HECW1: variants seen among roughly 807,000 people sequenced by gnomAD.
HECW1 encodes E3 ubiquitin-protein ligase HECW1.
In HECW1, 61 loss-of-function variants were observed where a neutral mutation model predicts 182.3. That is an observed-to-expected ratio of 0.33 (90% CI 0.27 to 0.41). The LOEUF is 0.41. HECW1 is among the 10% of genes least tolerant of loss of function. The pLI, the probability that HECW1 is intolerant of heterozygous loss-of-function variation, is 1.00. For synonymous variants in HECW1, 859 were observed against 832.6 expected, an observed-to-expected ratio of 1.03 and a Z score of -0.55; for missense variants, 1,739 against 2,108.9, an observed-to-expected ratio of 0.82 and a Z score of 3.44.
intron 17 of HECW1, among the ~76,000 whole-genome samples, chr7:43,488,468 G>GAAAGAAAGAAAGA: frequency 1.4e-5 from 2 of 147,886 alleles, no homozygotes; most frequent in African/African-American, 2.6e-5. Flanking sequence ...AAGAAAGAAA[G>GAAAGAAAGAAAGA]AAAGAAAGAA....
At chr7:43,228,187 T>C (rs1421492376) in intron 2 of HECW1, among the ~76,000 whole-genome samples, 1 of 152,174 alleles carries the variant, frequency 6.6e-6, no homozygotes, top group African/African-American at 2.4e-5. Context: ...AACAAGTATG[T>C]TAGACAAAAT....
chr7:43,525,010 T>C (rs1195156020), intron 24 of HECW1, among the ~76,000 whole-genome samples: 2 of 152,234 alleles, frequency 1.3e-5, no homozygotes, highest in Non-Finnish European at 2.9e-5. Context: ...TTCAGCATCC[T>C]AATATAAAAT....
At chr7:43,435,674 T>A (rs2076687128) in intron 8 of HECW1, among the ~76,000 whole-genome samples, 1 of 152,138 alleles carries the variant, frequency 6.6e-6, no homozygotes, top group South Asian at 2.1e-4. Flanking sequence ...TCACTGTAAC[T>A]GGCAATGCTT....
rs550692218 is a variant in HECW1, at chr7:43,277,525, G to A, written c.27+33593G>A. On this transcript the variant is annotated intron_variant, in intron 3 of 29. Coordinates refer to ENST00000395891, the MANE Select transcript of HECW1 (RefSeq NM_015052.5). ...CTAAGAACCCATGACTGTATTCTCC[G>A]CCATGACTGGGACCCACCTGCACAC... 3.4e-4 allele frequency among the ~76,000 whole-genome samples: 51 copies of A among 152,218 alleles called. 1 individual carries two copies. Among genetic ancestry groups the A allele is most frequent in the African/African-American group, 4.3e-4 (18 of 41,526 alleles).
At chr7:43,189,167 T>C (rs1583882950) in intron 2 of HECW1, among the ~76,000 whole-genome samples, 1 of 152,186 alleles carries the variant, frequency 6.6e-6, no homozygotes, top group Admixed American at 6.5e-5. Context: ...GTACATAATA[T>C]TATAAAATAT....
rs1027015320 is a variant in HECW1 at position 43,445,421 on chromosome 7, C to T, written c.2249C>T (p.Pro750Leu). 12 of 1,613,324 alleles carry T rather than the reference C, an allele frequency of 7.4e-6. No homozygotes were observed. Among genetic ancestry groups the T allele is most frequent in the Non-Finnish European group, 1.0e-5 (12 of 1,179,992 alleles). Residue 750 changes from proline (P) to leucine (L), a missense_variant, in exon 11 of 30, where the codon CCC becomes CTC. Pro to Leu is a moderately conservative substitution (Grantham distance 98). Transcript: ENST00000395891. Reference protein sequence around the residue: ...EEENSAFESVPDSMQSPELDP... With the variant: ...EEENSAFESVLDSMQSPELDP... The stretch of plus-strand genomic sequence containing the variant: ...GAGAACAGCGCGTTCGAGTCGGTAC[C>T]CGACTCCATGCAGAGCCCTGAGCTG...
intron 2 of HECW1, among the ~76,000 whole-genome samples, chr7:43,221,545 T>TG (rs1796955026): frequency 4.5e-5 from 1 of 22,044 alleles, no homozygotes; most frequent in African/African-American, 3.7e-4. Context: ...AGGTTTTTTT[T>TG]TTTTTTTTTT....
At chr7:43,498,749 C>T (rs1028785319) in intron 19 of HECW1, among the ~76,000 whole-genome samples, 8 of 152,086 alleles carry the variant, frequency 5.3e-5, no homozygotes, top group African/African-American at 1.4e-4. Context: ...GTGCTTCACC[C>T]GCACTGAAGT....
intron 8 of HECW1, among the ~76,000 whole-genome samples, chr7:43,437,372 AT>A (rs1241462940): frequency 3.3e-5 from 5 of 152,182 alleles, no homozygotes; most frequent in Non-Finnish European, 7.4e-5. Flanking sequence ...ATTGTTAGTA[AT>A]GCTCCAATAA....
In HECW1 at chr7:43,416,383, G is replaced by C. The variant is rs376819528; in HGVS notation, c.801+8652G>C. On this transcript the variant is annotated intron_variant, in intron 8 of 29. Transcript: ENST00000395891. ...GACCCACTTGAGGAGGCAGTCTGCC[G>C]GTTCTCAGATCTCCAGCTGCGTGCT... Among the ~76,000 whole-genome samples, 283 of 151,000 alleles carry C rather than the reference G, an allele frequency of 1.9e-3. 1 individual carries two copies. Among genetic ancestry groups the C allele is most frequent in the Middle Eastern group, 3.5e-3 (1 of 288 alleles).
chr7:43,408,559 G>T (rs1420699945), intron 8 of HECW1, among the ~76,000 whole-genome samples: 1 of 151,946 alleles, frequency 6.6e-6, no homozygotes, highest in Non-Finnish European at 1.5e-5. Context: ...GGCGGTGTGT[G>T]CCTGTGGTCC....
chr7:43,419,261 C>T (rs1462219214), intron 8 of HECW1, among the ~76,000 whole-genome samples: 3 of 152,146 alleles, frequency 2.0e-5, no homozygotes, highest in Non-Finnish European at 2.9e-5. Flanking sequence ...ACTGTGGCGG[C>T]ATTCAGGGCA....
chr7:43,137,213 A>G (rs1335187830), intron 2 of HECW1, among the ~76,000 whole-genome samples: 3 of 151,844 alleles, frequency 2.0e-5, no homozygotes, highest in Non-Finnish European at 2.9e-5. Context: ...TCTCTTCTGC[A>G]TCTCCTCTCC....
intron 2 of HECW1, among the ~76,000 whole-genome samples, chr7:43,165,601 C>G (rs1791029181): frequency 6.6e-6 from 1 of 152,268 alleles, no homozygotes; most frequent in Non-Finnish European, 1.5e-5. Flanking sequence ...GGACACAACT[C>G]TCCTATGCAG....
chr7:43,348,822 AG>A (rs1008896655), intron 5 of HECW1, among the ~76,000 whole-genome samples: 8 of 152,132 alleles, frequency 5.3e-5, no homozygotes, highest in African/African-American at 1.9e-4. Flanking sequence ...ATGGTTTTAA[AG>A]GTTCCTTTTG....
intron 29 of HECW1, among the ~76,000 whole-genome samples, chr7:43,558,104 G>A (rs940953023): frequency 6.6e-5 from 10 of 152,126 alleles, no homozygotes; most frequent in Non-Finnish European, 1.3e-4. Flanking sequence ...ACTAGGACCC[G>A]GAGGCAGCAT....
chr7:43,274,955 G>C (rs911833559), intron 3 of HECW1, among the ~76,000 whole-genome samples: 1 of 152,176 alleles, frequency 6.6e-6, no homozygotes, highest in African/African-American at 2.4e-5. Flanking sequence ...AAGATGTCCT[G>C]AGACGGGCAC....
chr7:43,181,114 C>T (rs2152676161), intron 2 of HECW1, among the ~76,000 whole-genome samples: 1 of 150,010 alleles, frequency 6.7e-6, no homozygotes, highest in African/African-American at 2.5e-5. Context: ...TCTTTCTGTG[C>T]CTGGCTTATT....
chr7:43,465,290 T>C (rs946552845), intron 14 of HECW1, among the ~76,000 whole-genome samples: 2 of 152,190 alleles, frequency 1.3e-5, no homozygotes, highest in Non-Finnish European at 2.9e-5. Flanking sequence ...ACCCCACAGT[T>C]CTACAGGTTG....
Sources: allele counts gnomAD v4.1 joint callset (sites outside exome capture counted in the v4.1 genomes callset), GRCh38; gene constraint gnomAD v4.1.1; transcripts MANE v1.5; gene names NCBI Gene and HGNC (gene_info 2026-07-23, HGNC 2026-07-21).